The following SLIT3 variants were observed in gnomAD, a reference collection of about 807,000 sequenced individuals.
SLIT3 encodes the protein slit homolog 3 protein.
In SLIT3, 68 loss-of-function variants were observed where a neutral mutation model predicts 184.0. The ratio of observed to expected loss-of-function variants is 0.37; its 90% confidence interval spans 0.30 to 0.45. The LOEUF (loss-of-function observed/expected upper bound fraction) is 0.45, where lower values mean the gene tolerates loss of function less well. Among genes scored for constraint, SLIT3 ranks in the 20% least tolerant of loss-of-function variants. The pLI is 1.00. For missense variants in SLIT3, 1,707 were observed against 2,026.0 expected (o/e 0.84, Z 3.02); for synonymous variants, 831 against 828.6 (o/e 1.00, Z -0.05).
chr5:169,169,318 C>T (rs1762745854), intron 4 of SLIT3, among the ~76,000 whole-genome samples: 1 of 152,192 alleles, frequency 6.6e-6, no homozygotes, highest in Non-Finnish European at 1.5e-5. Flanking sequence ...AGTGGGCATC[C>T]AGGACATAAT....
Position 168,749,548 on chromosome 5 carries a change from G to T in SLIT3, c.2061C>A (p.Asn687Lys), listed in dbSNP as rs1332263184. ...WLRKRRIVSG[N>K]PRCQKPFFLK... ...GGAAAAATGGCTTCTGGCACCTAGG[G>T]TTCCCACTGACGATCCGCCTCTTCC... is the stretch of plus-strand genomic sequence containing the variant. Residue 687 changes from asparagine (N) to lysine (K), a missense_variant, in exon 19 of 36, where the codon AAC (asparagine) becomes AAA (lysine). Transcript: ENST00000519560. 1.2e-6 allele frequency: 2 copies of T among 1,614,078 alleles called. No individual in the cohort carries two copies. The highest frequency in any genetic ancestry group is 8.5e-7 in the Non-Finnish European group (1 of 1,180,050).
chr5:168,793,664 T>C (rs1404245430), intron 10 of SLIT3, among the ~76,000 whole-genome samples: 1 of 152,236 alleles, frequency 6.6e-6, no homozygotes, highest in African/African-American at 2.4e-5. Flanking sequence ...AGCTTTAAAT[T>C]ACCTGGACTT....
At chr5:169,150,826 G>T (rs1362744652) in intron 4 of SLIT3, among the ~76,000 whole-genome samples, 1 of 152,168 alleles carries the variant, frequency 6.6e-6, no homozygotes, top group Non-Finnish European at 1.5e-5. Context: ...CCATCACCCT[G>T]TAAATTACCT....
At chr5:168,678,551 C>T (rs757326769) in intron 32 of SLIT3, among the ~76,000 whole-genome samples, 11 of 151,960 alleles carry the variant, frequency 7.2e-5, no homozygotes, top group Middle Eastern at 3.4e-3. Context: ...GGCGTGGTGG[C>T]GGGTGCCTGT....
chr5:169,177,434 G>A (rs55640139), intron 4 of SLIT3, among the ~76,000 whole-genome samples: 4,472 of 152,294 alleles, frequency 0.029, 87 homozygotes, highest in South Asian at 0.096. Context: ...GCTGAGCGGG[G>A]AAATCAGCAC....
chr5:168,790,677 A>T (rs1756333653), intron 10 of SLIT3: 1 of 152,212 alleles, frequency 6.6e-6, no homozygotes, highest in African/African-American at 2.4e-5. Context: ...TTTGTGCAGA[A>T]GTGGGAGAGC....
chr5:169,097,360 T>C (rs961399137), intron 4 of SLIT3, among the ~76,000 whole-genome samples: 6 of 149,392 alleles, frequency 4.0e-5, no homozygotes, highest in Non-Finnish European at 7.4e-5. Flanking sequence ...GATGGATAGA[T>C]AAATGGGGAG....
At chr5:168,675,968 C>G (rs1407377693) in intron 32 of SLIT3, among the ~76,000 whole-genome samples, 1 of 152,122 alleles carries the variant, frequency 6.6e-6, no homozygotes, top group Non-Finnish European at 1.5e-5. Context: ...ATCTATTCTA[C>G]CTATTCATCC....
In SLIT3 at chr5:168,798,220, C is replaced by CTTTTTTTTTTTTTTTT. The variant is rs575178855; in HGVS notation, c.936-2643_936-2642insAAAAAAAAAAAAAAAA. ...CTTTTGGTTTTCTTTTCTTCTTCTT[C>CTTTTTTTTTTTTTTTT]TTCTTTTTTTTTTTTTTTTAAGAGA... On this transcript the variant is annotated intron_variant, in intron 9 of 35. Transcript: ENST00000519560. Among the ~76,000 whole-genome samples the CTTTTTTTTTTTTTTTT allele has an allele frequency of 1.7e-4, 19 of 112,260 alleles. 1 individual carries two copies. Among genetic ancestry groups the CTTTTTTTTTTTTTTTT allele is most frequent in the South Asian group, 1.1e-3 (3 of 2,654 alleles). 73.6% of individuals were successfully genotyped at this position (112,260 alleles called of 152,430 possible).
chr5:168,744,457 C>A (rs1397350069), intron 20 of SLIT3, among the ~76,000 whole-genome samples: 2 of 152,120 alleles, frequency 1.3e-5, no homozygotes, highest in African/African-American at 4.8e-5. Flanking sequence ...GACAAAATAG[C>A]CTTTTATTAA....
intron 4 of SLIT3, among the ~76,000 whole-genome samples, chr5:169,089,382 A>G (rs1759480997): frequency 6.6e-6 from 1 of 152,184 alleles, no homozygotes; most frequent in Non-Finnish European, 1.5e-5. Flanking sequence ...TCATTTCTTG[A>G]AAAGAAAACC....
At chr5:168,791,667 G>A (rs1270149687) in intron 10 of SLIT3, 1 of 152,056 alleles carries the variant, frequency 6.6e-6, no homozygotes, top group Non-Finnish European at 1.5e-5. Flanking sequence ...CTTTCATTGT[G>A]GAATAGCTAA....
chr5:169,029,422 C>A (rs187968218), intron 4 of SLIT3, among the ~76,000 whole-genome samples: 2 of 152,206 alleles, frequency 1.3e-5, no homozygotes, highest in African/African-American at 4.8e-5. Context: ...GTCCTCTCCT[C>A]GGACCTACTG....
intron 11 of SLIT3, among the ~76,000 whole-genome samples, chr5:168,786,422 C>T (rs1021817676): frequency 6.6e-6 from 1 of 152,130 alleles, no homozygotes; most frequent in Non-Finnish European, 1.5e-5. Context: ...AATTCCTAAG[C>T]TGAGTCATTT....
intron 5 of SLIT3, among the ~76,000 whole-genome samples, chr5:168,868,124 C>T (rs956817282): frequency 1.3e-5 from 2 of 152,214 alleles, no homozygotes; most frequent in African/African-American, 4.8e-5. Context: ...AACTCCTTCT[C>T]CTCTAACCCC....
chr5:169,295,795 G>A (rs1452662301), intron 1 of SLIT3, among the ~76,000 whole-genome samples: 1 of 152,184 alleles, frequency 6.6e-6, no homozygotes, highest in East Asian at 1.9e-4. Context: ...CGGCAAAAAT[G>A]CAGAAATAAT....
At chr5:169,219,964 C>T (rs1024324014) in intron 3 of SLIT3, among the ~76,000 whole-genome samples, 5 of 152,166 alleles carry the variant, frequency 3.3e-5, no homozygotes, top group East Asian at 1.9e-4. Flanking sequence ...ACATGGATAC[C>T]GTGATTCGCT....
intron 4 of SLIT3, among the ~76,000 whole-genome samples, chr5:169,137,333 C>CAGAGAGAGAGAGAGAGAG (rs1324720274): frequency 4.6e-5 from 6 of 129,358 alleles, no homozygotes; most frequent in South Asian, 2.7e-4. Flanking sequence ...CACACACACA[C>CAGAGAGAGAGAGAGAGAG]ACAGAGAGAG....
chr5:168,821,343 G>A (rs1757525252), intron 7 of SLIT3, among the ~76,000 whole-genome samples: 1 of 152,188 alleles, frequency 6.6e-6, no homozygotes, highest in Non-Finnish European at 1.5e-5. Flanking sequence ...ACAGCTCACA[G>A]GAGCTGGACG....
Sources: gnomAD v4.1 joint callset for allele counts (sites outside exome capture counted in the v4.1 genomes callset) on GRCh38, gnomAD v4.1.1 for gene constraint, MANE v1.5 for transcripts, NCBI Gene and HGNC (gene_info 2026-07-23, HGNC 2026-07-21) for gene names.